GRM8: variants seen among roughly 807,000 people sequenced by gnomAD.
GRM8 encodes the protein metabotropic glutamate receptor 8.
GRM8 carries 47 observed loss-of-function variants against 87.2 expected under a neutral mutation model. The observed-to-expected ratio is 0.54, with a 90% CI of 0.43 to 0.69. The LOEUF (loss-of-function observed/expected upper bound fraction) is 0.69, where lower values mean the gene tolerates loss of function less well. Ranked by LOEUF, GRM8 falls within the 30% of genes least tolerant of loss-of-function variation. The pLI is 0.00. For synonymous variants in GRM8, 396 were observed against 404.5 expected, an observed-to-expected ratio of 0.98 and a Z score of 0.25; for missense variants, 1,019 against 1,139.2, an observed-to-expected ratio of 0.89 and a Z score of 1.52.
intron 6 of GRM8, among the ~76,000 whole-genome samples, chr7:126,844,367 C>T (rs1796527155): frequency 6.6e-6 from 1 of 152,100 alleles, no homozygotes; most frequent in Non-Finnish European, 1.5e-5. Context: ...GTGTCTGAGC[C>T]ATGGGGTGAG....
intron 2 of GRM8, among the ~76,000 whole-genome samples, chr7:127,197,615 A>G (rs12534833): frequency 0.2 from 29,825 of 151,816 alleles, 3,346 homozygotes; most frequent in Middle Eastern, 0.31. Flanking sequence ...AAAAGGGGGA[A>G]CAGCAAAGGG....
At position 126,599,413 on chromosome 7, in the gene GRM8, CT is replaced by C. The variant is rs550680011; in HGVS notation, c.1494+9948del. ...CTCAGTTATCATAGGGTCAGCTCAC[CT>C]TTTTGGCCTTGTAAAGATAACAGTG... On this transcript the variant is annotated intron_variant, in intron 8 of 10. Coordinates refer to ENST00000339582, the MANE Select transcript of GRM8 (RefSeq NM_000845.3). 5.9e-5 allele frequency among the ~76,000 whole-genome samples: 9 copies of C among 152,190 alleles called. No homozygotes were observed. The East Asian group carries it at 1.7e-3, about 29-fold the overall frequency.
chr7:126,700,398 G>GA (rs995533673), intron 7 of GRM8, among the ~76,000 whole-genome samples: 5 of 152,024 alleles, frequency 3.3e-5, no homozygotes, highest in African/African-American at 1.2e-4. Flanking sequence ...TGATTTTTAA[G>GA]AAAACCTGTT....
intron 3 of GRM8, among the ~76,000 whole-genome samples, chr7:126,944,978 G>A (rs186636792): frequency 6.6e-6 from 1 of 152,194 alleles, no homozygotes; most frequent in African/African-American, 2.4e-5. Context: ...TCAACTGTGA[G>A]TTAAGATATG....
intron 7 of GRM8, among the ~76,000 whole-genome samples, chr7:126,611,127 A>G (rs1427110859): frequency 1.3e-5 from 2 of 152,206 alleles, no homozygotes; most frequent in Non-Finnish European, 2.9e-5. Flanking sequence ...ATAAATTGAT[A>G]GATGTACATT....
intron 9 of GRM8, among the ~76,000 whole-genome samples, chr7:126,518,316 A>G (rs752132454): frequency 4.6e-5 from 7 of 152,110 alleles, no homozygotes; most frequent in Non-Finnish European, 1.0e-4. Context: ...AAACATTTTG[A>G]ATGACAAACA....
chr7:126,714,374 G>C (rs891369125), intron 7 of GRM8, among the ~76,000 whole-genome samples: 6 of 151,062 alleles, frequency 4.0e-5, no homozygotes, highest in Admixed American at 2.6e-4. Flanking sequence ...GTTGTGCTTG[G>C]CACTTTACAC....
At chr7:127,242,587 G>C (rs1798371501) in intron 2 of GRM8, 108 bp downstream of exon 2, 1 of 1,031,276 alleles carries the variant, frequency 9.7e-7, no homozygotes, top group Admixed American at 2.2e-5. Context: ...ACACCAAAAG[G>C]GTCTATGAGC....
At chr7:126,524,892 T>C (rs1813595141) in intron 9 of GRM8, among the ~76,000 whole-genome samples, 1 of 152,238 alleles carries the variant, frequency 6.6e-6, no homozygotes, top group Admixed American at 6.5e-5. Context: ...TTCAATATTT[T>C]CTTGATTCAC....
At chr7:127,199,030 G>A (rs1473418874) in intron 2 of GRM8, among the ~76,000 whole-genome samples, 1 of 151,982 alleles carries the variant, frequency 6.6e-6, no homozygotes, top group African/African-American at 2.4e-5. Flanking sequence ...TAGTAGAGAT[G>A]GGGTTTCTCC....
chr7:126,450,725 T>C (rs1328704609), intron 9 of GRM8, among the ~76,000 whole-genome samples: 2 of 151,818 alleles, frequency 1.3e-5, no homozygotes, highest in African/African-American at 4.8e-5. Context: ...TCCAAACTCA[T>C]AAAATTCCCC....
At chr7:126,799,369 G>A (rs1822380959) in intron 6 of GRM8, among the ~76,000 whole-genome samples, 1 of 152,072 alleles carries the variant, frequency 6.6e-6, no homozygotes, top group Non-Finnish European at 1.5e-5. Flanking sequence ...ATAAGAAGAT[G>A]GCAAATACCA....
chr7:126,812,794 T>C (rs1413573798), intron 6 of GRM8, among the ~76,000 whole-genome samples: 2 of 152,018 alleles, frequency 1.3e-5, no homozygotes, highest in Admixed American at 6.6e-5. Context: ...AAAGTAAACA[T>C]GCATACATAG....
intron 2 of GRM8, among the ~76,000 whole-genome samples, chr7:127,188,131 A>G (rs1175957167): frequency 6.6e-6 from 1 of 152,222 alleles, no homozygotes; most frequent in Admixed American, 6.5e-5. Flanking sequence ...GAGCACTTCT[A>G]CATGGAGTAT....
intron 8 of GRM8, among the ~76,000 whole-genome samples, chr7:126,540,261 C>T (rs1206437513): frequency 6.6e-6 from 1 of 151,858 alleles, no homozygotes; most frequent in East Asian, 1.9e-4. Context: ...CCAACTAGGA[C>T]TATTATAATA....
intron 3 of GRM8, among the ~76,000 whole-genome samples, chr7:127,096,892 G>T (rs565829751): frequency 6.6e-6 from 1 of 152,212 alleles, no homozygotes; most frequent in South Asian, 2.1e-4. Flanking sequence ...ACCCCCGAAG[G>T]TTCCCATGCG....
rs1825353747 is a variant in GRM8, at chr7:127,102,211, C to T, written c.727+4285G>A. ...GCAAAGGAATGACTTAAAGCTGCAA[C>T]TTATATTTAAAAGGGAAGCAGGGTA... On this transcript the variant is annotated intron_variant, in intron 3 of 10. Transcript: ENST00000339582. Among the ~76,000 whole-genome samples, 3 of 152,236 alleles carry T rather than the reference C, an allele frequency of 2.0e-5. No homozygotes were observed. The South Asian group carries it at 6.2e-4, about 32-fold the overall frequency.
chr7:126,969,019 T>C (rs2131747046), intron 3 of GRM8, among the ~76,000 whole-genome samples: 1 of 152,356 alleles, frequency 6.6e-6, no homozygotes, highest in Non-Finnish European at 1.5e-5. Context: ...ATGTTTAGGC[T>C]ATATTGTATT....
chr7:126,803,070 T>G (rs1460073796), intron 6 of GRM8, among the ~76,000 whole-genome samples: 1 of 152,216 alleles, frequency 6.6e-6, no homozygotes, highest in Non-Finnish European at 1.5e-5. Flanking sequence ...AAATAGTCAC[T>G]TATCTATTCG....
Sources: gnomAD v4.1 joint callset for allele counts (sites outside exome capture counted in the v4.1 genomes callset) on GRCh38, gnomAD v4.1.1 for gene constraint, MANE v1.5 for transcripts, NCBI Gene and HGNC (gene_info 2026-07-23, HGNC 2026-07-21) for gene names.